The following SUMF1 variants were observed in gnomAD, a reference collection of about 807,000 sequenced individuals.
SUMF1 encodes the protein sulfatase modifying factor 1, also known as formylglycine-generating enzyme.
Under a neutral mutation model 47.6 loss-of-function variants are expected in SUMF1, and 48 were observed. That is an observed-to-expected ratio of 1.01 (90% CI 0.80 to 1.28). The LOEUF (loss-of-function observed/expected upper bound fraction) is 1.28. SUMF1 is among the 50% of genes most tolerant of loss of function. The probability of loss-of-function intolerance (pLI) is 0.00; values close to 1 mark genes in which losing one functional copy is unlikely to be tolerated. For missense variants in SUMF1, 571 were observed against 485.4 expected (o/e 1.18, Z -1.66); for synonymous variants, 230 against 192.1 (o/e 1.20, Z -1.63).
chr3:4,137,778 T>C (rs1419354155), intron 8 of SUMF1, among the ~76,000 whole-genome samples: 1 of 152,116 alleles, frequency 6.6e-6, no homozygotes, highest in African/African-American at 2.4e-5. Context: ...CTACCACTTT[T>C]ATTTACCACT....
At chr3:4,189,179 G>A (rs888899124) in intron 8 of SUMF1, among the ~76,000 whole-genome samples, 2 of 152,000 alleles carry the variant, frequency 1.3e-5, no homozygotes, top group Non-Finnish European at 2.9e-5. Flanking sequence ...GGGATTTTTT[G>A]TATTTGTATC....
intron 8 of SUMF1, among the ~76,000 whole-genome samples, chr3:4,368,381 T>G (rs1198926145): frequency 6.6e-6 from 1 of 152,238 alleles, no homozygotes; most frequent in Admixed American, 6.5e-5. Context: ...ACTTTTGCAC[T>G]GTTGGTGGGA....
chr3:4,071,211 C>G (rs1236575251), intron 8 of SUMF1, among the ~76,000 whole-genome samples: 1 of 138,022 alleles, frequency 7.2e-6, no homozygotes, highest in Admixed American at 7.1e-5. Context: ...CAGCTCCAGT[C>G]TGCAGCTCCC....
At chr3:4,287,841 A>C (rs937910880) in intron 8 of SUMF1, among the ~76,000 whole-genome samples, 2 of 152,224 alleles carry the variant, frequency 1.3e-5, no homozygotes, top group African/African-American at 4.8e-5. Context: ...AAATTCTATT[A>C]TTATCAACCA....
chr3:4,365,082 A>T (rs1699905018), intron 8 of SUMF1, among the ~76,000 whole-genome samples: 1 of 150,894 alleles, frequency 6.6e-6, no homozygotes, highest in African/African-American at 2.4e-5. Flanking sequence ...TCTGAGAGAC[A>T]GTTTGTTATA....
At chr3:4,277,977 G>C (rs1449495698) in intron 8 of SUMF1, among the ~76,000 whole-genome samples, 1 of 151,882 alleles carries the variant, frequency 6.6e-6, no homozygotes, top group Non-Finnish European at 1.5e-5. Context: ...AGTTATCAAA[G>C]GAAAAAATTA....
chr3:4,451,674 G>A (rs1337117379), intron 2 of SUMF1, among the ~76,000 whole-genome samples: 1 of 152,170 alleles, frequency 6.6e-6, no homozygotes, highest in African/African-American at 2.4e-5. Context: ...TATTACGAAT[G>A]TGTACAAAAA....
At chr3:4,159,782 G>C (rs933233879) in intron 8 of SUMF1, among the ~76,000 whole-genome samples, 1 of 152,122 alleles carries the variant, frequency 6.6e-6, no homozygotes, top group African/African-American at 2.4e-5. Context: ...GCCTGAGAAA[G>C]TCTTAATTTC....
intron 8 of SUMF1, among the ~76,000 whole-genome samples, chr3:4,135,457 A>T (rs940894006): frequency 2.0e-5 from 3 of 148,426 alleles, no homozygotes; most frequent in Admixed American, 1.4e-4. Context: ...TAAATTAGGT[A>T]TTGATGGGAT....
intron 3 of SUMF1, among the ~76,000 whole-genome samples, chr3:4,429,522 TC>T (rs1702171102): frequency 2.0e-5 from 3 of 152,216 alleles, no homozygotes; most frequent in Admixed American, 2.0e-4. Context: ...CAGGAAATTC[TC>T]CCACACACGT....
At chr3:4,418,973 C>A (rs918725326) in intron 4 of SUMF1, among the ~76,000 whole-genome samples, 1 of 152,142 alleles carries the variant, frequency 6.6e-6, no homozygotes, top group African/African-American at 2.4e-5. Flanking sequence ...TTTGAATTCC[C>A]CACAGTAATT....
intron 9 of SUMF1, among the ~76,000 whole-genome samples, chr3:4,053,654 T>TGTGACATG (rs1695150374): frequency 6.6e-6 from 1 of 152,164 alleles, no homozygotes; most frequent in Non-Finnish European, 1.5e-5. Flanking sequence ...CCCTCCGAAC[T>TGTGACATG]GTGACATGGC....
At chr3:4,280,723 C>A (rs1357447781) in intron 8 of SUMF1, among the ~76,000 whole-genome samples, 1 of 151,990 alleles carries the variant, frequency 6.6e-6, no homozygotes, top group Non-Finnish European at 1.5e-5. Flanking sequence ...CTGAGGGTGG[C>A]TAGAGAAGAG....
intron 1 of SUMF1, among the ~76,000 whole-genome samples, chr3:4,457,519 G>C (rs1453072681): frequency 6.6e-6 from 1 of 151,982 alleles, no homozygotes; most frequent in Non-Finnish European, 1.5e-5. Flanking sequence ...TAATCAAATG[G>C]CATGGTACTG....
chr3:4,162,035 C>T (rs1039430976), intron 8 of SUMF1, among the ~76,000 whole-genome samples: 2 of 152,042 alleles, frequency 1.3e-5, no homozygotes, highest in African/African-American at 4.8e-5. Context: ...TAATCCTGCC[C>T]AGGACTGGGT....
At chr3:4,128,150 C>A (rs1329545530) in intron 8 of SUMF1, among the ~76,000 whole-genome samples, 2 of 152,118 alleles carry the variant, frequency 1.3e-5, no homozygotes, top group Admixed American at 1.3e-4. Flanking sequence ...TAAGATTGCC[C>A]TGAGTAAGAT....
chr3:4,073,092 T>C (rs973780361), intron 8 of SUMF1, among the ~76,000 whole-genome samples: 9 of 152,166 alleles, frequency 5.9e-5, no homozygotes, highest in African/African-American at 1.9e-4. Flanking sequence ...AGAGAAACGT[T>C]GGGTTACCCA....
chr3:4,252,184 A>G lies in SUMF1; in HGVS notation c.1014+124146T>C, dbSNP rs138951479. ...TCTGAGAACAATTCTAATCTACAAAATATACTGTAGCTACAAATGATGACA... is the reference window on the plus strand; with the variant it reads ...TCTGAGAACAATTCTAATCTACAAAGTATACTGTAGCTACAAATGATGACA... On this transcript the variant is annotated intron_variant and NMD_transcript_variant, in intron 8 of 12. Transcript: ENST00000448413. Among the ~76,000 whole-genome samples, 8 of 152,294 alleles carry G rather than the reference A, an allele frequency of 5.3e-5. No individual in the cohort carries two copies. In the East Asian group the frequency reaches 1.5e-3, roughly 29 times the overall value.
At chr3:4,172,239 T>C (rs887946006) in intron 8 of SUMF1, among the ~76,000 whole-genome samples, 2 of 152,140 alleles carry the variant, frequency 1.3e-5, no homozygotes, top group African/African-American at 2.4e-5. Context: ...TTATTAAAGA[T>C]GACTCCCAGA....
Sources: gnomAD v4.1 joint callset for allele counts (sites outside exome capture counted in the v4.1 genomes callset) on GRCh38, gnomAD v4.1.1 for gene constraint, MANE v1.5 for transcripts, NCBI Gene and HGNC (gene_info 2026-07-23, HGNC 2026-07-21) for gene names.